The following SYK variants were observed in gnomAD, a reference collection of about 807,000 sequenced individuals.
SYK encodes the protein spleen associated tyrosine kinase.
In SYK, 16 loss-of-function variants were observed where a neutral mutation model predicts 77.8. The observed-to-expected ratio is 0.21, with a 90% CI of 0.14 to 0.31. SYK has a LOEUF of 0.31. SYK is among the 10% of genes least tolerant of loss of function. The pLI is 1.00. For synonymous variants in SYK, 312 were observed against 308.7 expected, an observed-to-expected ratio of 1.01 and a Z score of -0.11; for missense variants, 529 against 814.4, an observed-to-expected ratio of 0.65 and a Z score of 4.26.
At chr9:90,881,405 C>A (rs1413428754) in intron 11 of SYK, among the ~76,000 whole-genome samples, 2 of 152,030 alleles carry the variant, frequency 1.3e-5, no homozygotes, top group Non-Finnish European at 2.9e-5. Flanking sequence ...GTGGGCCGGG[C>A]GTGGTGGCTC....
chr9:90,866,992 G>A lies in SYK; in HGVS notation c.847-139G>A, dbSNP rs896831567. The A allele has an allele frequency of 1.5e-5, 12 of 794,018 alleles. No homozygotes were observed. In the Admixed American group the frequency reaches 1.6e-4, roughly 11 times the overall value. The allele number at this position is 794,018 out of a possible 1,614,324, so 49.2% of individuals were successfully genotyped here. A position where few individuals can be genotyped will look rare whatever the true frequency, so the allele number is the denominator to read the frequency against. ...CCTTCCCAATGATCAGGTGTTGCCC[G>A]TGGTCGATCTCATTGGCAGGGACAG... On this transcript the variant is annotated intron_variant, in intron 6 of 13. Transcript: ENST00000375754.
chr9:90,880,072 C>T (rs1564116880), intron 11 of SYK, among the ~76,000 whole-genome samples: 1 of 152,250 alleles, frequency 6.6e-6, no homozygotes, highest in Non-Finnish European at 1.5e-5. Context: ...GTGAAGTCCA[C>T]ATGCTCAGAA....
intron 11 of SYK, among the ~76,000 whole-genome samples, chr9:90,886,962 T>C (rs1354271152): frequency 6.6e-6 from 1 of 152,162 alleles, no homozygotes; most frequent in Non-Finnish European, 1.5e-5. Context: ...ACTGGTTACT[T>C]AGGGTACACC....
intron 11 of SYK, among the ~76,000 whole-genome samples, chr9:90,882,917 T>G (rs889590946): frequency 6.6e-5 from 10 of 152,074 alleles, no homozygotes; most frequent in Non-Finnish European, 1.5e-4. Context: ...GCCAAGGACT[T>G]CTACAATCCT....
chr9:90,818,138 A>G (rs922197802), intron 1 of SYK, among the ~76,000 whole-genome samples: 32 of 152,094 alleles, frequency 2.1e-4, no homozygotes, highest in Middle Eastern at 3.2e-3. Context: ...GTGGCATGTT[A>G]TTGCTCAGGA....
At chr9:90,830,995 G>C (rs1198079190) in intron 1 of SYK, among the ~76,000 whole-genome samples, 2 of 152,184 alleles carry the variant, frequency 1.3e-5, no homozygotes, top group Non-Finnish European at 2.9e-5. Flanking sequence ...TCTTAACAGG[G>C]CTGCTTTGCA....
chr9:90,802,634 T>C (rs748267671), intron 1 of SYK, among the ~76,000 whole-genome samples: 2 of 152,100 alleles, frequency 1.3e-5, no homozygotes, highest in Non-Finnish European at 2.9e-5. Flanking sequence ...ACCTAAAAAC[T>C]ATATAAATGC....
chr9:90,865,012 G>A (rs1205131335), intron 5 of SYK, 36 bp from the exon 6 acceptor site: 1 of 1,610,022 alleles, frequency 6.2e-7, no homozygotes, highest in South Asian at 1.1e-5. Flanking sequence ...GGTTTCCTCA[G>A]ATAGAGCAGT....
intron 9 of SYK, 84 bp downstream of exon 9, chr9:90,874,933 A>G: frequency 2.0e-6 from 3 of 1,475,422 alleles, no homozygotes; most frequent in Non-Finnish European, 2.8e-6. Flanking sequence ...GTAACCTGGC[A>G]TGACTAAACC....
intron 1 of SYK, among the ~76,000 whole-genome samples, chr9:90,805,133 C>T (rs1385643237): frequency 6.6e-6 from 1 of 152,178 alleles, no homozygotes; most frequent in Non-Finnish European, 1.5e-5. Context: ...TGATTCTTTT[C>T]TTTCTGGGAC....
chr9:90,828,688 TGTGTGCGTTGC>T (rs1436797994), intron 1 of SYK, among the ~76,000 whole-genome samples: 3 of 152,228 alleles, frequency 2.0e-5, no homozygotes, highest in Admixed American at 6.5e-5. Flanking sequence ...TTACCAATTG[TGTGTGCGTTGC>T]GTGTGCGTCC....
intron 1 of SYK, among the ~76,000 whole-genome samples, chr9:90,828,637 GTGTTC>G (rs1466562916): frequency 6.6e-6 from 1 of 152,176 alleles, no homozygotes; most frequent in African/African-American, 2.4e-5. Flanking sequence ...TTGCAACCCA[GTGTTC>G]TGTTAATTAT....
intron 3 of SYK, among the ~76,000 whole-genome samples, chr9:90,856,609 G>GTTTA (rs1827048889): frequency 6.6e-6 from 1 of 151,328 alleles, no homozygotes; most frequent in Admixed American, 6.6e-5. Context: ...TTGTTTGTTT[G>GTTTA]TTTGTTTTTT....
chr9:90,849,765 C>A (rs1826745573), intron 3 of SYK, among the ~76,000 whole-genome samples: 1 of 152,230 alleles, frequency 6.6e-6, no homozygotes, highest in Admixed American at 6.5e-5. Context: ...AGCTATGGGA[C>A]CTTGAGCAAG....
chr9:90,830,686 T>A (rs1475259165), intron 1 of SYK, among the ~76,000 whole-genome samples: 2 of 150,858 alleles, frequency 1.3e-5, no homozygotes, highest in Non-Finnish European at 3.0e-5. Flanking sequence ...CCCAGGTTCA[T>A]GCCATTCTCC....
chr9:90,877,868 G>T, intron 10 of SYK, 88 bp downstream of exon 10: 1 of 1,437,442 alleles, frequency 7.0e-7, no homozygotes. Context: ...TGATTTCCTT[G>T]GGAAGCCTTC....
At chr9:90,844,381 C>T (rs1316520621) in intron 2 of SYK, 66 bp downstream of exon 2, 2 of 1,450,294 alleles carry the variant, frequency 1.4e-6, no homozygotes, top group Admixed American at 2.7e-5. Context: ...GACTTCCTGG[C>T]TACATGCAAC....
chr9:90,863,565 A>G (rs1827356237), intron 4 of SYK, among the ~76,000 whole-genome samples: 1 of 152,250 alleles, frequency 6.6e-6, no homozygotes, highest in Non-Finnish European at 1.5e-5. Context: ...AATGTTAGTC[A>G]CAACATTTAC....
At chr9:90,888,471 AC>A in intron 12 of SYK, 43 bp from the exon 13 acceptor site, 1 of 1,454,814 alleles carries the variant, frequency 6.9e-7, no homozygotes, top group Non-Finnish European at 9.3e-7. Context: ...TTTGACTAAC[AC>A]CTTTAAAAAA....
Sources: allele counts gnomAD v4.1 joint callset (sites outside exome capture counted in the v4.1 genomes callset), GRCh38; gene constraint gnomAD v4.1.1; transcripts MANE v1.5; gene names NCBI Gene and HGNC (gene_info 2026-07-23, HGNC 2026-07-21).